PTPRF: variants seen among roughly 807,000 people sequenced by gnomAD.
PTPRF encodes receptor-type tyrosine-protein phosphatase F.
PTPRF carries 59 observed loss-of-function variants against 201.8 expected under a neutral mutation model. The ratio of observed to expected loss-of-function variants is 0.29; its 90% confidence interval spans 0.24 to 0.36. PTPRF has a LOEUF of 0.36. Among genes scored for constraint, PTPRF ranks in the 10% least tolerant of loss-of-function variants. PTPRF has a pLI of 1.00. For missense variants in PTPRF, 2,132 were observed against 2,690.5 expected (o/e 0.79, Z 4.59); for synonymous variants, 1,088 against 1,089.7 (o/e 1.00, Z 0.03).
Position 43,605,395 on chromosome 1 carries a change from G to A in PTPRF, c.3341G>A (p.Gly1114Asp), listed in dbSNP as rs1470313594. ...CCTGCCTCTGCCTACATAGAGGACG[G>A]CCGCTTCGATCTCTCCATGCCCCAT... Reference protein sequence around the residue: ...PLPASAYIEDGRFDLSMPHVQ... With the variant: ...PLPASAYIEDDRFDLSMPHVQ... Residue 1114 changes from glycine (G) to aspartate (D), a missense_variant, in exon 18 of 34, where the codon GGC becomes GAC. By Grantham distance (94) the Gly-to-Asp change is moderately conservative (BLOSUM62 -1). Around this residue, in one of 6 missense-constraint regions of PTPRF, gnomAD observed 818 missense variants for 915.3 expected, o/e 0.89. Coordinates refer to ENST00000359947, the MANE Select transcript of PTPRF (RefSeq NM_002840.5). The A allele has an allele frequency of 1.9e-6, 3 of 1,613,600 alleles. No individual in the cohort carries two copies. The highest frequency in any genetic ancestry group is 1.3e-5 in the African/African-American group (1 of 74,936).
At chr1:43,602,138 A>T (rs746782690) in intron 14 of PTPRF, 41 bp downstream of exon 14, 1 of 1,596,838 alleles carries the variant, frequency 6.3e-7, no homozygotes, top group Admixed American at 1.7e-5. Flanking sequence ...ACATGGGTCA[A>T]GCTGGGCTCG....
At chr1:43,535,097 T>C (rs1643923779) in intron 1 of PTPRF, among the ~76,000 whole-genome samples, 1 of 152,146 alleles carries the variant, frequency 6.6e-6, no homozygotes. Context: ...TTGCCTTTAA[T>C]GAGAAGATAG....
In PTPRF at chr1:43,598,793, G is replaced by C. The variant is rs781368775; in HGVS notation, c.2193G>C (p.Leu731=). 1 of 1,614,212 alleles carries C rather than the reference G, an allele frequency of 6.2e-7. No homozygotes were observed. Residue 731 remains leucine, a synonymous_variant, in exon 13 of 34, where the codon CTG becomes CTC. Coordinates refer to ENST00000359947, the MANE Select transcript of PTPRF (RefSeq NM_002840.5). ...NSTAVHVYWK[L]PVPSKQHGQI... is the part of the protein sequence containing the mutation. ...CTGCTGTGCATGTCTACTGGAAGCT[G>C]CCTGTCCCCAGCAAGCAGCATGGCC... is the stretch of plus-strand genomic sequence containing the variant.
At chr1:43,609,315 G>A in intron 21 of PTPRF, 68 bp from the exon 22 acceptor site, 1 of 1,314,656 alleles carries the variant, frequency 7.6e-7, no homozygotes, top group South Asian at 1.3e-5. Flanking sequence ...TTGGCAGCCA[G>A]CCATGCCATG....
chr1:43,544,156 C>T (rs942483569), intron 2 of PTPRF, among the ~76,000 whole-genome samples: 1 of 152,174 alleles, frequency 6.6e-6, no homozygotes, highest in African/African-American at 2.4e-5. Flanking sequence ...TGCATAGCTT[C>T]CTGTCTCAAA....
intron 8 of PTPRF, among the ~76,000 whole-genome samples, chr1:43,590,328 CT>C (rs144485790): frequency 0.016 from 2,363 of 152,312 alleles, 66 homozygotes; most frequent in African/African-American, 0.054. Flanking sequence ...TTGATTCTCT[CT>C]TGTACTGAGG....
At chr1:43,621,065 A>G in intron 32 of PTPRF, 32 bp from the exon 33 acceptor site, 1 of 1,612,100 alleles carries the variant, frequency 6.2e-7, no homozygotes, top group Non-Finnish European at 8.5e-7. Flanking sequence ...TGAGGCAAGC[A>G]GGACTCCTGA....
intron 5 of PTPRF, among the ~76,000 whole-genome samples, chr1:43,559,323 G>A (rs1051836988): frequency 1.1e-4 from 16 of 152,158 alleles, no homozygotes; most frequent in African/African-American, 3.4e-4. Flanking sequence ...TGTATGCAGC[G>A]CGCAGTGTTT....
Position 43,604,078 on chromosome 1 carries a change from A to G in PTPRF, c.2926A>G (p.Thr976Ala). The G allele has an allele frequency of 6.2e-7, 1 of 1,614,176 alleles. No homozygotes were observed. The highest frequency in any genetic ancestry group is 8.5e-7 in the Non-Finnish European group (1 of 1,180,040). Reference sequence around the variant, plus strand: ...CACGACAGACACCCGCTTTACCCTTACTGGCCTCAAGCCAGACACCACTTA... The same window carrying G: ...CACGACAGACACCCGCTTTACCCTTGCTGGCCTCAAGCCAGACACCACTTA... The part of the protein sequence containing the change: ...NITTDTRFTL[T>A]GLKPDTTYDI... The change falls in exon 16 of 34, where the codon ACT becomes GCT. Residue 976 changes from threonine to alanine, a missense_variant. By Grantham distance (58) the Thr-to-Ala change is moderately conservative. Transcript: ENST00000359947.
chr1:43,563,753 T>A (rs1415622846), intron 5 of PTPRF, among the ~76,000 whole-genome samples: 1 of 152,164 alleles, frequency 6.6e-6, no homozygotes, highest in African/African-American at 2.4e-5. Context: ...TATCAGTGTC[T>A]GTAGTGACTG....
chr1:43,585,300 G>T (rs1357419893), intron 7 of PTPRF, among the ~76,000 whole-genome samples: 1 of 152,216 alleles, frequency 6.6e-6, no homozygotes, highest in African/African-American at 2.4e-5. Flanking sequence ...GGCAGGTCTA[G>T]GATGCGGGTC....
chr1:43,580,859 C>T (rs1647405668), intron 7 of PTPRF, among the ~76,000 whole-genome samples: 1 of 152,260 alleles, frequency 6.6e-6, no homozygotes, highest in Admixed American at 6.5e-5. Context: ...CCAGTAGAGC[C>T]ACTGTAAACC....
At chr1:43,591,694 C>A in intron 9 of PTPRF, 118 bp from the exon 10 acceptor site, 1 of 1,457,246 alleles carries the variant, frequency 6.9e-7, no homozygotes, top group South Asian at 1.3e-5. Flanking sequence ...GATGTGTGGT[C>A]AGTTGGGATG....
chr1:43,617,051 T>G (rs990780201), intron 23 of PTPRF, among the ~76,000 whole-genome samples: 1 of 151,934 alleles, frequency 6.6e-6, no homozygotes, highest in South Asian at 2.1e-4. Context: ...TTTCATTAGG[T>G]GAATGCAGGG....
At chr1:43,615,203 G>A (rs550239117) in intron 23 of PTPRF, among the ~76,000 whole-genome samples, 1 of 152,170 alleles carries the variant, frequency 6.6e-6, no homozygotes, top group Non-Finnish European at 1.5e-5. Context: ...GTATGTCTGC[G>A]GCACAGCAAC....
At chr1:43,590,606 A>G (rs1438599041) in intron 8 of PTPRF, among the ~76,000 whole-genome samples, 1 of 152,212 alleles carries the variant, frequency 6.6e-6, no homozygotes, top group East Asian at 1.9e-4. Context: ...CTGCAGAGGC[A>G]CATAGCTGCT....
At chr1:43,587,678 A>G (rs1219874629) in intron 7 of PTPRF, among the ~76,000 whole-genome samples, 1 of 152,170 alleles carries the variant, frequency 6.6e-6, no homozygotes, top group Non-Finnish European at 1.5e-5. Flanking sequence ...TTGGGTACTG[A>G]CTAGCCTGCT....
At chr1:43,543,408 C>G (rs1644471662) in intron 2 of PTPRF, among the ~76,000 whole-genome samples, 1 of 152,182 alleles carries the variant, frequency 6.6e-6, no homozygotes, top group Admixed American at 6.5e-5. Context: ...GGCTGGACAC[C>G]TATCAACGTT....
chr1:43,557,757 C>T (rs1347467602), intron 5 of PTPRF, among the ~76,000 whole-genome samples: 1 of 151,942 alleles, frequency 6.6e-6, no homozygotes, highest in African/African-American at 2.4e-5. Context: ...GAGAGTGTGG[C>T]GCAAGTACCC....
Sources: gnomAD v4.1 joint callset for allele counts (sites outside exome capture counted in the v4.1 genomes callset) on GRCh38, gnomAD v4.1.1 for gene constraint, gnomAD v4.1.1 regional missense constraint, MANE v1.5 for transcripts, NCBI Gene and HGNC (gene_info 2026-07-23, HGNC 2026-07-21) for gene names.